The following AMZ1 variants were observed in gnomAD, a reference collection of about 807,000 sequenced individuals.
AMZ1 encodes the protein archaemetzincin-1.
A neutral mutation model predicts 29.9 loss-of-function variants in AMZ1; 39 were observed. The observed-to-expected ratio is 1.30, with a 90% CI of 1.01 to 1.70. The LOEUF is 1.70. Ranked by LOEUF, AMZ1 falls within the 40% of genes most tolerant of loss-of-function variation. The pLI, the probability that AMZ1 is intolerant of heterozygous loss-of-function variation, is 0.00. For missense variants in AMZ1, 1,041 were observed against 680.6 expected, an observed-to-expected ratio of 1.53 and a Z score of -5.89; for synonymous variants, 458 against 304.0, an observed-to-expected ratio of 1.51 and a Z score of -5.27.
At chr7:2,699,947 T>C (rs1175074860) in intron 1 of AMZ1, among the ~76,000 whole-genome samples, 1 of 152,150 alleles carries the variant, frequency 6.6e-6, no homozygotes, top group Non-Finnish European at 1.5e-5. Flanking sequence ...TGGGAGGTAC[T>C]TCCCCATACC....
upstream of AMZ1, among the ~76,000 whole-genome samples, chr7:2,685,346 T>TC (rs1180070593): frequency 6.7e-6 from 1 of 148,954 alleles, no homozygotes; most frequent in Admixed American, 6.7e-5. Context: ...TCACTTGAAG[T>TC]CAGGAGTTCG....
At chr7:2,743,946 C>T (rs934446326) in intron 4 of AMZ1, among the ~76,000 whole-genome samples, 3 of 152,118 alleles carry the variant, frequency 2.0e-5, no homozygotes, top group African/African-American at 4.8e-5. Context: ...TGAGATCAAA[C>T]TGCAAGGCAG....
rs1299882536 is a variant in AMZ1 at position 2,715,674 on chromosome 7, T to C, written c.*2796T>C. The C allele has an allele frequency of 6.7e-6, 1 of 148,648 alleles. No homozygotes were observed. Among genetic ancestry groups the C allele is most frequent in the Non-Finnish European group, 1.5e-5 (1 of 66,592 alleles). 9.2% of individuals were successfully genotyped at this position (148,648 alleles called of 1,614,324 possible). On this transcript the variant is annotated 3_prime_UTR_variant, in exon 7 of 7. Coordinates refer to ENST00000683327, the MANE Select transcript of AMZ1 (RefSeq NM_001384743.1). The stretch of plus-strand genomic sequence containing the variant: ...AGAAGGACTGTTTTGAAATGCAACT[T>C]TGAGGAAGAGAAATTGGTTTCCCTC...
chr7:2,753,009 A>G (rs1414827235), intron 4 of AMZ1, among the ~76,000 whole-genome samples: 1 of 152,224 alleles, frequency 6.6e-6, no homozygotes, highest in Non-Finnish European at 1.5e-5. Flanking sequence ...AATCACAGCC[A>G]TCCTCCTTCT....
intron 1 of AMZ1, among the ~76,000 whole-genome samples, chr7:2,692,375 TA>T (rs957218696): frequency 2.6e-5 from 4 of 151,738 alleles, no homozygotes; most frequent in African/African-American, 4.8e-5. Context: ...CCATCTCTAC[TA>T]AAAATACAAA....
intron 4 of AMZ1, among the ~76,000 whole-genome samples, chr7:2,742,023 T>C (rs777030179): frequency 2.2e-4 from 33 of 151,918 alleles, no homozygotes; most frequent in Non-Finnish European, 4.3e-4. Context: ...TGAATTTTTT[T>C]ATTTTTTTAT....
chr7:2,722,373 T>A (rs184001020), downstream of AMZ1, among the ~76,000 whole-genome samples: 1 of 151,874 alleles, frequency 6.6e-6, no homozygotes, highest in Non-Finnish European at 1.5e-5. Flanking sequence ...CCCGGGTTCA[T>A]GCCATTCTCC....
intron 1 of AMZ1, among the ~76,000 whole-genome samples, chr7:2,693,725 T>G (rs1420129459): frequency 2.0e-5 from 3 of 152,066 alleles, no homozygotes; most frequent in Non-Finnish European, 4.4e-5. Context: ...CTGGCTAATT[T>G]TTTGTATTTT....
rs772751076 is a variant in AMZ1 at position 2,700,648 on chromosome 7, G to A, written c.197G>A (p.Trp66Ter). 5 of 1,611,982 alleles carry A rather than the reference G, an allele frequency of 3.1e-6. No homozygotes were observed. The highest frequency in any genetic ancestry group is 2.7e-5 in the African/African-American group (2 of 74,926). Residue 66 changes from tryptophan to a stop codon, truncating the protein, a stop_gained, in exon 2 of 7, where the codon TGG becomes TAG. Transcript: ENST00000683327. LOFTEE classifies it high-confidence loss of function. Reference sequence around the variant, plus strand: ...CTGCTCATCCGCACGGGCTTCGACTGGCTCCTGAGCCGACCCGAGGCTCCC... The same window carrying A: ...CTGCTCATCCGCACGGGCTTCGACTAGCTCCTGAGCCGACCCGAGGCTCCC... ...CTLLIRTGFD[W>*]LLSRPEAPED...
Position 2,717,000 on chromosome 7 carries a change from C to T in AMZ1, c.*4122C>T, listed in dbSNP as rs1347521521. ...TAAAAGCAAGCTGGAGCGGTCTGAG[C>T]AGGAAGAGAGTAAGAAGGCGCACGG... On this transcript the variant is annotated 3_prime_UTR_variant, in exon 7 of 7. Coordinates refer to ENST00000683327, the MANE Select transcript of AMZ1 (RefSeq NM_001384743.1). Among the ~76,000 whole-genome samples the T allele has an allele frequency of 6.6e-6, 1 of 152,204 alleles. No individual in the cohort carries two copies. The highest frequency in any genetic ancestry group is 1.5e-5 in the Non-Finnish European group (1 of 68,038).
chr7:2,689,685 C>T (rs375157053), intron 1 of AMZ1, among the ~76,000 whole-genome samples: 14 of 152,344 alleles, frequency 9.2e-5, no homozygotes, highest in East Asian at 7.7e-4. Context: ...CCTGCGGCTC[C>T]GTGTGTGGCT....
At chr7:2,749,985 T>A (rs1156574108) in intron 4 of AMZ1, among the ~76,000 whole-genome samples, 1 of 152,170 alleles carries the variant, frequency 6.6e-6, no homozygotes, top group Admixed American at 6.6e-5. Context: ...CAGAGAATGT[T>A]TTTAGAAGCA....
At chr7:2,761,470 G>A (rs1044314249), upstream of AMZ1, among the ~76,000 whole-genome samples, 2 of 152,156 alleles carry the variant, frequency 1.3e-5, no homozygotes, top group Non-Finnish European at 2.9e-5. Flanking sequence ...AAATAAAGAA[G>A]AAAACCAGAA....
At chr7:2,737,285 TTTTG>T (rs1303853311) in intron 4 of AMZ1, among the ~76,000 whole-genome samples, 4,148 of 44,794 alleles carry the variant, frequency 0.093, 580 homozygotes, top group Admixed American at 0.15. Flanking sequence ...TTTTTTTTTT[TTTTG>T]TTTTTTTTTT....
At position 2,696,612 on chromosome 7, in the gene AMZ1, C is replaced by T. The variant is rs545146580; in HGVS notation, c.-218-3622C>T. On this transcript the variant is annotated intron_variant, in intron 1 of 6. Coordinates refer to ENST00000683327, the MANE Select transcript of AMZ1 (RefSeq NM_001384743.1). Reference sequence around the variant, plus strand: ...TAGAACTTCCAGGGCTGGCCGGGCACGGTGGCTCATGCCTGTAATCCCAGC... The same window carrying T: ...TAGAACTTCCAGGGCTGGCCGGGCATGGTGGCTCATGCCTGTAATCCCAGC... 8.6e-5 allele frequency among the ~76,000 whole-genome samples: 13 copies of T among 151,502 alleles called. No individual in the cohort carries two copies. The East Asian group carries it at 2.2e-3, about 26-fold the overall frequency.
rs1367571123 is a variant in AMZ1, at chr7:2,718,832, C to T, written c.*5954C>T. On this transcript the variant is annotated 3_prime_UTR_variant, in exon 7 of 7. Transcript: ENST00000683327. The stretch of plus-strand genomic sequence containing the variant: ...CTGTGCTCTGCCCACCTGGGGTAGG[C>T]CTCTGGGAACAGGGGAGTCACAGAA... Among the ~76,000 whole-genome samples the T allele has an allele frequency of 3.9e-5, 6 of 152,148 alleles. No individual in the cohort carries two copies. The East Asian group carries it at 7.7e-4, about 20-fold the overall frequency.
rs998115048 is a variant in AMZ1 at position 2,690,378 on chromosome 7, C to T, written c.-219+2082C>T. On this transcript the variant is annotated intron_variant, in intron 1 of 6. Transcript: ENST00000683327. ...GGACCACAGGCATGCACAACCATGCCCAGCTAATTTTTAAAATGTTTTGTA... is the reference window on the plus strand; with the variant it reads ...GGACCACAGGCATGCACAACCATGCTCAGCTAATTTTTAAAATGTTTTGTA... 3.9e-5 allele frequency among the ~76,000 whole-genome samples: 6 copies of T among 152,128 alleles called. No homozygotes were observed. In the East Asian group the frequency reaches 1.2e-3, roughly 29 times the overall value.
At position 2,712,423 on chromosome 7, in the gene AMZ1, G is replaced by C. The variant is rs141911364; in HGVS notation, c.1042G>C (p.Ala348Pro). Residue 348 changes from alanine (A) to proline (P), a missense_variant, in exon 7 of 7, where the codon GCC (alanine) becomes CCC (proline). By Grantham distance (27) the Ala-to-Pro change is conservative. Transcript: ENST00000683327. Reference protein sequence around the residue: ...SVWEDTPPASADSGMCCESDS... With the variant: ...SVWEDTPPASPDSGMCCESDS... The stretch of plus-strand genomic sequence containing the variant: ...GTGGGAGGACACCCCGCCTGCCAGC[G>C]CCGACTCGGGCATGTGCTGTGAGAG... The C allele has an allele frequency of 1.9e-6, 3 of 1,611,754 alleles. No individual in the cohort carries two copies. In the Admixed American group the frequency reaches 5.0e-5, roughly 27 times the overall value.
intron 5 of AMZ1, 81 bp from the exon 6 acceptor site, chr7:2,709,559 G>T: frequency 1.3e-6 from 2 of 1,530,174 alleles, no homozygotes; most frequent in Admixed American, 2.0e-5. Context: ...TCCTCATTTT[G>T]GTCCTGCTGG....
Sources: gnomAD v4.1 joint callset for allele counts (sites outside exome capture counted in the v4.1 genomes callset) on GRCh38, gnomAD v4.1.1 for gene constraint, MANE v1.5 for transcripts, NCBI Gene and HGNC (gene_info 2026-07-23, HGNC 2026-07-21) for gene names.